MVK: variants seen among roughly 807,000 people sequenced by gnomAD.
MVK encodes the protein mevalonate kinase, also known as LH receptor mRNA-binding protein.
Under a neutral mutation model 43.2 loss-of-function variants are expected in MVK, and 34 were observed. That is an observed-to-expected ratio of 0.79 (90% CI 0.60 to 1.05). The LOEUF is 1.05. Ranked by LOEUF, MVK falls within the 50% of genes least tolerant of loss-of-function variation. The pLI is 0.00. For synonymous variants in MVK, 190 were observed against 219.8 expected, an observed-to-expected ratio of 0.86 and a Z score of 1.20; for missense variants, 395 against 504.0, an observed-to-expected ratio of 0.78 and a Z score of 2.07.
intron 5 of MVK, among the ~76,000 whole-genome samples, chr12:109,582,699 C>T (rs1008816020): frequency 2.7e-5 from 4 of 150,504 alleles, no homozygotes; most frequent in Admixed American, 6.6e-5. Context: ...AAATCTGAGC[C>T]CCCTAAAAAA....
At position 109,574,807 on chromosome 12, in the gene MVK, A is replaced by G; in HGVS notation, c.-14-2A>G. 6.3e-7 allele frequency: 1 copy of G among 1,587,236 alleles called. No individual in the cohort carries two copies. The highest frequency in any genetic ancestry group is 8.6e-7 in the Non-Finnish European group (1 of 1,165,318). On this transcript the variant is annotated splice_acceptor_variant, in intron 1 of 10. Transcript: ENST00000228510. LOFTEE classifies it low-confidence loss of function (5UTR_SPLICE). Reference sequence around the variant, plus strand: ...GCTCTTCTCATTGGCTTTCCCTTTTAGGATTCCCAGGAGCCATGTTGTCAG... The same window carrying G: ...GCTCTTCTCATTGGCTTTCCCTTTTGGGATTCCCAGGAGCCATGTTGTCAG...
intron 2 of MVK, among the ~76,000 whole-genome samples, chr12:109,575,374 G>A (rs779596831): frequency 6.6e-6 from 1 of 151,846 alleles, no homozygotes; most frequent in Non-Finnish European, 1.5e-5. Flanking sequence ...CCTTGGTAGA[G>A]CTTGGTGTGA....
intron 2 of MVK, among the ~76,000 whole-genome samples, chr12:109,575,618 G>C (rs1593011367): frequency 6.6e-6 from 1 of 152,028 alleles, no homozygotes; most frequent in African/African-American, 2.4e-5. Context: ...AAACTCCTGG[G>C]CTCAAGTGAT....
chr12:109,592,166 C>G (rs920741886), intron 9 of MVK, among the ~76,000 whole-genome samples: 3 of 152,210 alleles, frequency 2.0e-5, no homozygotes, highest in South Asian at 2.1e-4. Flanking sequence ...ATCACTTGAG[C>G]CCAGGAGGTC....
At chr12:109,590,690 G>A (rs968891798) in intron 7 of MVK, 81 bp from the exon 8 acceptor site, 37 of 1,301,054 alleles carry the variant, frequency 2.8e-5, no homozygotes, top group Middle Eastern at 4.7e-4. Flanking sequence ...CAGGGTGGGC[G>A]GCTTCCCGGA....
chr12:109,587,400 GTGCGATTTCAGCATTCTCTGTTCTGTT>G (rs1199294173), intron 7 of MVK, among the ~76,000 whole-genome samples: 68 of 152,328 alleles, frequency 4.5e-4, no homozygotes, highest in Middle Eastern at 6.8e-3. Context: ...AAACGTGCAT[GTGCGATTTCAGCATTCTCTGTTCTGTT>G]TGCGATTTCA....
intron 9 of MVK, among the ~76,000 whole-genome samples, chr12:109,592,321 G>A (rs908188445): frequency 5.9e-5 from 9 of 152,244 alleles, no homozygotes; most frequent in African/African-American, 2.2e-4. Context: ...CCTGGACACA[G>A]TCCACCTGGC....
intron 5 of MVK, 52 bp from the exon 6 acceptor site, chr12:109,585,970 C>T: frequency 1.3e-6 from 2 of 1,512,916 alleles, no homozygotes; most frequent in Non-Finnish European, 1.8e-6. Flanking sequence ...GGTGACCCCT[C>T]CCCAGCCCCA....
At chr12:109,593,361 T>C in intron 9 of MVK, among the ~76,000 whole-genome samples, 1 of 152,246 alleles carries the variant, frequency 6.6e-6, no homozygotes, top group South Asian at 2.1e-4. Flanking sequence ...GCCATCCCCA[T>C]GCGGGAGAGC....
chr12:109,590,934 C>A, intron 8 of MVK, 73 bp downstream of exon 8: 2 of 1,502,902 alleles, frequency 1.3e-6, no homozygotes, highest in Non-Finnish European at 1.8e-6. Flanking sequence ...TTCGAGGTCT[C>A]CCTCTGGCTG....
chr12:109,594,563 T>C (rs948906185), intron 9 of MVK, among the ~76,000 whole-genome samples: 3 of 152,230 alleles, frequency 2.0e-5, no homozygotes, highest in African/African-American at 4.8e-5. Context: ...CAGGTATAGC[T>C]CAATCCAGGG....
chr12:109,573,988 G>T (rs1401399339), intron 1 of MVK, 115 bp downstream of exon 1: 1 of 155,172 alleles, frequency 6.4e-6, no homozygotes, highest in Admixed American at 6.5e-5. Context: ...GTCTTGCCCC[G>T]AGGGATCGGC....
intron 9 of MVK, among the ~76,000 whole-genome samples, chr12:109,593,892 ATATT>A (rs377660933): frequency 5.9e-5 from 9 of 151,632 alleles, no homozygotes; most frequent in Admixed American, 2.0e-4. Context: ...TGATTTTTGT[ATATT>A]TAGTAGAGAT....
At position 109,573,803 on chromosome 12, in the gene MVK, T is replaced by A. The variant is rs1431084215; in HGVS notation, c.-85T>A. The A allele has an allele frequency of 5.7e-6, 2 of 349,156 alleles. No homozygotes were observed. The highest frequency in any genetic ancestry group is 1.4e-4 in the East Asian group (2 of 14,528). 21.6% of individuals were successfully genotyped at this position (349,156 alleles called of 1,614,324 possible). The stretch of plus-strand genomic sequence containing the variant: ...CCCTTGAGGCACGGGCGCTCTGGGT[T>A]GTGGGAGTTGGGGAGCTGCTCCGGC... On this transcript the variant is annotated 5_prime_UTR_variant, in exon 1 of 11. Coordinates refer to ENST00000228510, the MANE Select transcript of MVK (RefSeq NM_000431.4).
Position 109,581,482 on chromosome 12 carries a change from G to A in MVK, c.459G>A (p.Leu153=). The change falls in exon 5 of 11, where the codon CTG becomes CTA. Residue 153 remains leucine (L), a synonymous_variant. Transcript: ENST00000228510. ...CCAGCGCCGCCTACTCGGTGTGTCT[G>A]GCAGCAGCCCTCCTGACTGTGTGCG... The part of the protein sequence containing the change: ...LGSSAAYSVC[L]AAALLTVCEE... 1 of 1,614,220 alleles carries A rather than the reference G, an allele frequency of 6.2e-7. No homozygotes were observed. Among genetic ancestry groups the A allele is most frequent in the Non-Finnish European group, 8.5e-7 (1 of 1,180,040 alleles).
At chr12:109,596,100 A>G (rs1444914352) in intron 10 of MVK, among the ~76,000 whole-genome samples, 2 of 152,200 alleles carry the variant, frequency 1.3e-5, no homozygotes, top group African/African-American at 4.8e-5. Context: ...AGTCATCATT[A>G]GCCCCATTCC....
At position 109,586,012 on chromosome 12, in the gene MVK, G is replaced by T; in HGVS notation, c.528-10G>T. 21 of 1,609,536 alleles carry T rather than the reference G, an allele frequency of 1.3e-5. No homozygotes were observed. The highest frequency in any genetic ancestry group is 1.4e-5 in the Non-Finnish European group (17 of 1,175,818). On this transcript the variant is annotated splice_polypyrimidine_tract_variant and intron_variant, in intron 5 of 10. Coordinates refer to ENST00000228510, the MANE Select transcript of MVK (RefSeq NM_000431.4). ...ACTGCCACAGTAAAGATGAACATCTGTGTCTTCAGGTGGACCAAGGAGGAT... is the reference window on the plus strand; with the variant it reads ...ACTGCCACAGTAAAGATGAACATCTTTGTCTTCAGGTGGACCAAGGAGGAT...
chr12:109,578,023 C>G (rs1310596488), intron 3 of MVK, among the ~76,000 whole-genome samples: 1 of 152,160 alleles, frequency 6.6e-6, no homozygotes, highest in Non-Finnish European at 1.5e-5. Flanking sequence ...CTCAGTGAAC[C>G]TGGGGCAGGT....
intron 5 of MVK, among the ~76,000 whole-genome samples, chr12:109,585,240 A>G (rs1448058425): frequency 6.6e-6 from 1 of 152,038 alleles, no homozygotes; most frequent in Non-Finnish European, 1.5e-5. Context: ...CGTGCTTTGG[A>G]TCTACTTGCA....
Sources: gnomAD v4.1 joint callset for allele counts (sites outside exome capture counted in the v4.1 genomes callset) on GRCh38, gnomAD v4.1.1 for gene constraint, MANE v1.5 for transcripts, NCBI Gene and HGNC (gene_info 2026-07-23, HGNC 2026-07-21) for gene names.